Variants in AMER3 observed in about 807,000 individuals in gnomAD.
AMER3 encodes the protein APC membrane recruitment protein 3.
For synonymous variants in AMER3, 541 were observed against 485.5 expected, an observed-to-expected ratio of 1.11 and a Z score of -1.50; for missense variants, 1,201 against 1,139.4, an observed-to-expected ratio of 1.05 and a Z score of -0.78.
chr2:130,763,480 T>C lies in AMER3; in HGVS notation c.1408T>C (p.Leu470=), dbSNP rs200729085. The C allele has an allele frequency of 2.5e-5, 41 of 1,612,454 alleles. No individual in the cohort carries two copies. Among genetic ancestry groups the C allele is most frequent in the African/African-American group, 5.3e-5 (4 of 74,928 alleles). The part of the protein sequence containing the change: ...CSFRVGAEEN[L]APAPGPDLLS... ...CTTCCGAGTGGGGGCCGAGGAGAACTTGGCCCCAGCACCAGGCCCTGACCT... is the reference window on the plus strand; with the variant it reads ...CTTCCGAGTGGGGGCCGAGGAGAACCTGGCCCCAGCACCAGGCCCTGACCT... The change falls in exon 2 of 2, where the codon TTG becomes CTG. Residue 470 remains leucine, a synonymous_variant. Transcript: ENST00000321420.
chr2:130,761,395 T>C (rs1678777138), intron 1 of AMER3, among the ~76,000 whole-genome samples: 2 of 152,218 alleles, frequency 1.3e-5, no homozygotes, highest in Admixed American at 1.3e-4. Context: ...TGCCTACCCT[T>C]GCAGCTCTGC....
At position 130,764,646 on chromosome 2, in the gene AMER3, G is replaced by A. The variant is rs777237255; in HGVS notation, c.2574G>A (p.Glu858=). The part of the protein sequence containing the change: ...EVGASGPAMA[E]PHL Reference sequence around the variant, plus strand: ...GGGCCTCTGGGCCAGCCATGGCTGAGCCCCATCTGTAGGACAGGCTCACAT... The same window carrying A: ...GGGCCTCTGGGCCAGCCATGGCTGAACCCCATCTGTAGGACAGGCTCACAT... The change falls in exon 2 of 2, where the codon GAG becomes GAA. Residue 858 remains glutamate, a synonymous_variant. Coordinates refer to ENST00000321420, the MANE Select transcript of AMER3 (RefSeq NM_152698.3). 1.9e-6 allele frequency: 3 copies of A among 1,604,466 alleles called. No homozygotes were observed. The highest frequency in any genetic ancestry group is 1.1e-5 in the South Asian group (1 of 89,856).
At position 130,766,230 on chromosome 2, in the gene AMER3, G is replaced by C. The variant is rs1678978876; in HGVS notation, c.*1572G>C. On this transcript the variant is annotated 3_prime_UTR_variant, in exon 2 of 2. Transcript: ENST00000321420. Reference sequence around the variant, plus strand: ...GAGGACTGTGAGGCTCAGGGTGGGAGACGGGTGGGGGAGCCGACCTTAGGA... The same window carrying C: ...GAGGACTGTGAGGCTCAGGGTGGGACACGGGTGGGGGAGCCGACCTTAGGA... The C allele has an allele frequency of 6.0e-6, 1 of 167,006 alleles. No individual in the cohort carries two copies. Among genetic ancestry groups the C allele is most frequent in the Non-Finnish European group, 1.5e-5 (1 of 68,142 alleles). 10.3% of individuals were successfully genotyped at this position (167,006 alleles called of 1,614,324 possible). A position where few individuals can be genotyped will look rare whatever the true frequency, so the allele number is the denominator to read the frequency against.
In AMER3 at chr2:130,765,718, C is replaced by T. The variant is rs1574046523; in HGVS notation, c.*1060C>T. On this transcript the variant is annotated 3_prime_UTR_variant, in exon 2 of 2. Transcript: ENST00000321420. ...CGAGCCTGAAGCTCTGATGTCAAGG[C>T]AGTGGAAGAAAAGCCTGTCCCAGCT... The T allele has an allele frequency of 6.0e-6, 1 of 167,088 alleles. No individual in the cohort carries two copies. The highest frequency in any genetic ancestry group is 1.5e-5 in the Non-Finnish European group (1 of 68,154). The allele number at this position is 167,088 out of a possible 1,614,324, so 10.4% of individuals were successfully genotyped here. A position where few individuals can be genotyped will look rare whatever the true frequency, so the allele number is the denominator to read the frequency against.
At chr2:130,760,126 C>T (rs928449776) in intron 1 of AMER3, among the ~76,000 whole-genome samples, 1 of 152,230 alleles carries the variant, frequency 6.6e-6, no homozygotes, top group Non-Finnish European at 1.5e-5. Flanking sequence ...AGGGCAGTCT[C>T]CCTCTGTCCA....
At position 130,764,170 on chromosome 2, in the gene AMER3, G is replaced by C. The variant is rs1475093888; in HGVS notation, c.2098G>C (p.Asp700His). 1.9e-6 allele frequency: 3 copies of C among 1,608,338 alleles called. No individual in the cohort carries two copies. Among genetic ancestry groups the C allele is most frequent in the African/African-American group, 1.3e-5 (1 of 74,844 alleles). ...QPPAAWPPRQDMGSGLFGQRW... is the reference protein window; with the variant it reads ...QPPAAWPPRQHMGSGLFGQRW... ...CCCGGCCGCATGGCCTCCAAGGCAA[G>C]ACATGGGCAGTGGGCTCTTTGGGCA... Residue 700 changes from aspartate to histidine, a missense_variant, in exon 2 of 2, where the codon GAC becomes CAC. Asp to His is a moderately conservative substitution (Grantham distance 81, BLOSUM62 -1). Coordinates refer to ENST00000321420, the MANE Select transcript of AMER3 (RefSeq NM_152698.3).
chr2:130,764,862 G>A lies in AMER3; in HGVS notation c.*204G>A. 1 of 668,086 alleles carries A rather than the reference G, an allele frequency of 1.5e-6. No homozygotes were observed. The highest frequency in any genetic ancestry group is 2.8e-5 in the East Asian group (1 of 35,746). The allele number at this position is 668,086 out of a possible 1,614,324, so 41.4% of individuals were successfully genotyped here. A position where few individuals can be genotyped will look rare whatever the true frequency, so the allele number is the denominator to read the frequency against. ...CCAGCTCAGGCAGCCCACCGCCAAA[G>A]ACAGCGCGAAGCTGCAACCACCTAG... On this transcript the variant is annotated 3_prime_UTR_variant, in exon 2 of 2. Transcript: ENST00000321420.
chr2:130,762,677 T>G lies in AMER3; in HGVS notation c.605T>G (p.Leu202Arg), dbSNP rs1558966865. The change falls in exon 2 of 2, where the codon CTC becomes CGC. Residue 202 changes from leucine to arginine, a missense_variant. Coordinates refer to ENST00000321420, the MANE Select transcript of AMER3 (RefSeq NM_152698.3). ...DPGGRRSKAFLPPGEGPGLDG... is the reference protein window; with the variant it reads ...DPGGRRSKAFRPPGEGPGLDG... Reference sequence around the variant, plus strand: ...GGGGGGCGGCGAAGCAAAGCCTTCCTCCCCCCGGGTGAGGGGCCGGGGCTG... The same window carrying G: ...GGGGGGCGGCGAAGCAAAGCCTTCCGCCCCCCGGGTGAGGGGCCGGGGCTG... The G allele has an allele frequency of 6.2e-7, 1 of 1,610,648 alleles. No individual in the cohort carries two copies. The highest frequency in any genetic ancestry group is 8.5e-7 in the Non-Finnish European group (1 of 1,179,650).
At position 130,762,191 on chromosome 2, in the gene AMER3, T is replaced by A; in HGVS notation, c.119T>A (p.Leu40His). The A allele has an allele frequency of 1.3e-6, 2 of 1,594,630 alleles. No homozygotes were observed. Among genetic ancestry groups the A allele is most frequent in the Non-Finnish European group, 1.7e-6 (2 of 1,170,876 alleles). ...GAGGGGACAGGCCCCTGGTCAGTCC[T>A]TCCAGGAGGGCAACAGAGGCCCCAC... ...AREGTGPWSVLPGGQQRPHSE... is the reference protein window; with the variant it reads ...AREGTGPWSVHPGGQQRPHSE... The change falls in exon 2 of 2, where the codon CTT becomes CAT. Residue 40 changes from leucine to histidine, a missense_variant. Physicochemically the swap from Leu to His is moderately conservative, Grantham distance 99. Coordinates refer to ENST00000321420, the MANE Select transcript of AMER3 (RefSeq NM_152698.3).
rs760837445 is a variant in AMER3 at position 130,764,866 on chromosome 2, G to A, written c.*208G>A. 2 of 635,230 alleles carry A rather than the reference G, an allele frequency of 3.1e-6. No homozygotes were observed. Among genetic ancestry groups the A allele is most frequent in the Non-Finnish European group, 5.4e-6 (2 of 368,650 alleles). The allele number at this position is 635,230 out of a possible 1,614,324, so 39.3% of individuals were successfully genotyped here. On this transcript the variant is annotated 3_prime_UTR_variant, in exon 2 of 2. Coordinates refer to ENST00000321420, the MANE Select transcript of AMER3 (RefSeq NM_152698.3). ...CTCAGGCAGCCCACCGCCAAAGACA[G>A]CGCGAAGCTGCAACCACCTAGCTGC...
chr2:130,760,124 C>A (rs1391423935), intron 1 of AMER3, among the ~76,000 whole-genome samples: 1 of 152,246 alleles, frequency 6.6e-6, no homozygotes, highest in African/African-American at 2.4e-5. Context: ...TCAGGGCAGT[C>A]TCCCTCTGTC....
rs1678871083 is a variant in AMER3, at chr2:130,763,547, A to G, written c.1475A>G (p.Glu492Gly). Residue 492 changes from glutamate (E) to glycine (G), a missense_variant, in exon 2 of 2, where the codon GAG (glutamate) becomes GGG (glycine). By Grantham distance (98) the Glu-to-Gly change is moderately conservative. Coordinates refer to ENST00000321420, the MANE Select transcript of AMER3 (RefSeq NM_152698.3). ...CTACAGAGCTCCTGGAAGGGCAAGG[A>G]GTGCCTGCTGAAGCTGTGTGACACT... is the stretch of plus-strand genomic sequence containing the variant. ...GFLQSSWKGK[E>G]CLLKLCDTEL... The G allele has an allele frequency of 6.2e-7, 1 of 1,612,566 alleles. No homozygotes were observed. Among genetic ancestry groups the G allele is most frequent in the Non-Finnish European group, 8.5e-7 (1 of 1,179,872 alleles).
intron 1 of AMER3, among the ~76,000 whole-genome samples, chr2:130,756,877 A>G (rs1574038267): frequency 9.3e-6 from 1 of 107,832 alleles, no homozygotes; most frequent in African/African-American, 3.7e-5. Flanking sequence ...CAGCCCTCCC[A>G]TGACAAGGCA....
At chr2:130,759,732 C>T (rs1279809038) in intron 1 of AMER3, among the ~76,000 whole-genome samples, 1 of 152,216 alleles carries the variant, frequency 6.6e-6, no homozygotes. Flanking sequence ...GGTTTATAGA[C>T]TGTCAGGTTC....
chr2:130,760,615 GAC>G (rs1678748457), intron 1 of AMER3, among the ~76,000 whole-genome samples: 1 of 152,174 alleles, frequency 6.6e-6, no homozygotes, highest in Non-Finnish European at 1.5e-5. Flanking sequence ...TGGCCAGACT[GAC>G]AGAGTACTGA....
intron 1 of AMER3, chr2:130,756,198 C>T (rs1331983427): frequency 6.8e-6 from 1 of 147,902 alleles, no homozygotes; most frequent in African/African-American, 2.4e-5. Flanking sequence ...GCGGCTTAAC[C>T]CTCGCCTGCC....
In AMER3 at chr2:130,766,121, T is replaced by C. The variant is rs917165799; in HGVS notation, c.*1463T>C. ...TTTAGATGTTAGGGATTTGAAACTT[T>C]AGAGATTTGCGTCTTTCAGTATTTC... On this transcript the variant is annotated 3_prime_UTR_variant, in exon 2 of 2. Coordinates refer to ENST00000321420, the MANE Select transcript of AMER3 (RefSeq NM_152698.3). The C allele has an allele frequency of 6.0e-6, 1 of 166,998 alleles. No individual in the cohort carries two copies. Among genetic ancestry groups the C allele is most frequent in the African/African-American group, 2.4e-5 (1 of 41,474 alleles). The allele number at this position is 166,998 out of a possible 1,614,324, so 10.3% of individuals were successfully genotyped here.
chr2:130,756,638 T>C (rs925213679), intron 1 of AMER3, among the ~76,000 whole-genome samples: 6 of 151,996 alleles, frequency 3.9e-5, no homozygotes, highest in Non-Finnish European at 7.4e-5. Flanking sequence ...AGAGCCAATA[T>C]CGCTGTGAGG....
At position 130,765,021 on chromosome 2, in the gene AMER3, T is replaced by G; in HGVS notation, c.*363T>G. 4.8e-6 allele frequency: 1 copy of G among 207,928 alleles called. No homozygotes were observed. Among genetic ancestry groups the G allele is most frequent in the Non-Finnish European group, 1.1e-5 (1 of 94,470 alleles). The allele number at this position is 207,928 out of a possible 1,614,324, so 12.9% of individuals were successfully genotyped here. ...TGTGTGTGAATCCCAAAAGACGCAA[T>G]CCCAAATGCCATAGTCCCAAGTGTT... On this transcript the variant is annotated 3_prime_UTR_variant, in exon 2 of 2. Coordinates refer to ENST00000321420, the MANE Select transcript of AMER3 (RefSeq NM_152698.3).
Sources: gnomAD v4.1 joint callset for allele counts (sites outside exome capture counted in the v4.1 genomes callset) on GRCh38, gnomAD v4.1.1 for gene constraint, MANE v1.5 for transcripts, NCBI Gene and HGNC (gene_info 2026-07-23, HGNC 2026-07-21) for gene names.